The following CADPS2 variants were observed in gnomAD, a reference collection of about 807,000 sequenced individuals.
CADPS2 encodes the protein calcium-dependent secretion activator 2.
A neutral mutation model predicts 172.5 loss-of-function variants in CADPS2; 93 were observed. The observed-to-expected ratio is 0.54, with a 90% CI of 0.46 to 0.64. CADPS2 has a LOEUF of 0.64. CADPS2 is among the 30% of genes least tolerant of loss of function. The pLI is 0.00. For synonymous variants in CADPS2, 546 were observed against 555.2 expected (o/e 0.98, Z 0.23); for missense variants, 1,420 against 1,565.9 (o/e 0.91, Z 1.57).
At chr7:122,645,614 A>T (rs1186669134) in intron 3 of CADPS2, among the ~76,000 whole-genome samples, 20 of 134,190 alleles carry the variant, frequency 1.5e-4, no homozygotes, top group African/African-American at 5.5e-4. Context: ...ATACACACAC[A>T]CTAAGATACA....
At chr7:122,754,854 A>G (rs879510672) in intron 1 of CADPS2, among the ~76,000 whole-genome samples, 18 of 152,234 alleles carry the variant, frequency 1.2e-4, no homozygotes, top group South Asian at 4.1e-4. Flanking sequence ...GAATTAAATG[A>G]AAATGTATAC....
chr7:122,658,090 G>C (rs2080038209), intron 3 of CADPS2, among the ~76,000 whole-genome samples: 1 of 152,174 alleles, frequency 6.6e-6, no homozygotes, highest in Non-Finnish European at 1.5e-5. Context: ...GATATGAACA[G>C]ACACTTCTCA....
intron 3 of CADPS2, among the ~76,000 whole-genome samples, chr7:122,635,127 T>C (rs1055144022): frequency 2.6e-5 from 4 of 152,144 alleles, no homozygotes; most frequent in Non-Finnish European, 5.9e-5. Flanking sequence ...TATTCTGTGA[T>C]TGTTAGATAG....
At chr7:122,810,991 G>A (rs1194134365) in intron 1 of CADPS2, among the ~76,000 whole-genome samples, 1 of 152,140 alleles carries the variant, frequency 6.6e-6, no homozygotes, top group East Asian at 1.9e-4. Context: ...ATATTCTAGT[G>A]CTTGTATAAA....
At chr7:122,702,254 G>C in intron 2 of CADPS2, 1 of 1,613,710 alleles carries the variant, frequency 6.2e-7, no homozygotes, top group African/African-American at 1.3e-5. Context: ...TTTCTGAATC[G>C]AGTGCAAAAT....
intron 24 of CADPS2, among the ~76,000 whole-genome samples, chr7:122,385,757 G>C (rs1321979425): frequency 1.3e-5 from 2 of 152,006 alleles, no homozygotes; most frequent in African/African-American, 4.8e-5. Context: ...TGGGAGGAAA[G>C]ACTGTATCAC....
chr7:122,318,787 C>T lies in CADPS2; in HGVS notation c.*1378G>A, dbSNP rs2031811206. ...AGATTTTTAAGGCTAGTCTAGGTAC[C>T]TAACGACCACTTATTACACCATGGG... On this transcript the variant is annotated 3_prime_UTR_variant, in exon 30 of 30. Coordinates refer to ENST00000449022, the MANE Select transcript of CADPS2 (RefSeq NM_017954.11). 6.6e-6 allele frequency: 1 copy of T among 152,164 alleles called. No homozygotes were observed. Among genetic ancestry groups the T allele is most frequent in the African/African-American group, 2.4e-5 (1 of 41,434 alleles). 9.4% of individuals were successfully genotyped at this position (152,164 alleles called of 1,614,324 possible). A position where few individuals can be genotyped will look rare whatever the true frequency, so the allele number is the denominator to read the frequency against.
intron 1 of CADPS2, chr7:122,850,238 C>T (rs1356416491): frequency 3.9e-6 from 4 of 1,025,502 alleles, no homozygotes; most frequent in Non-Finnish European, 5.3e-6. Context: ...CCAGAGGCCC[C>T]CTGACCCAGC....
chr7:122,571,792 A>G (rs1202312428), intron 7 of CADPS2, among the ~76,000 whole-genome samples: 1 of 152,194 alleles, frequency 6.6e-6, no homozygotes, highest in African/African-American at 2.4e-5. Flanking sequence ...TAGCCAATAC[A>G]TGTAACTGGA....
chr7:122,673,047 G>C (rs1205729685), intron 2 of CADPS2, among the ~76,000 whole-genome samples: 2 of 152,162 alleles, frequency 1.3e-5, no homozygotes, highest in East Asian at 1.9e-4. Flanking sequence ...GCTCTACAAG[G>C]CATCGCCTCT....
chr7:122,705,055 C>T (rs192002295), intron 2 of CADPS2, among the ~76,000 whole-genome samples: 32 of 152,056 alleles, frequency 2.1e-4, no homozygotes, highest in African/African-American at 7.2e-4. Flanking sequence ...TATAAATTCT[C>T]GACACAAAAT....
chr7:122,667,902 G>C (rs1446209339), intron 2 of CADPS2, among the ~76,000 whole-genome samples: 3 of 152,040 alleles, frequency 2.0e-5, no homozygotes, highest in African/African-American at 7.2e-5. Context: ...ATACTAGCAG[G>C]GACATTCACT....
At chr7:122,837,513 A>G (rs1264694344) in intron 1 of CADPS2, among the ~76,000 whole-genome samples, 1 of 152,218 alleles carries the variant, frequency 6.6e-6, no homozygotes, top group Admixed American at 6.5e-5. Context: ...AGAGATCAAC[A>G]AAATTGATAG....
At chr7:122,767,106 T>C (rs1231668979) in intron 1 of CADPS2, among the ~76,000 whole-genome samples, 2 of 152,164 alleles carry the variant, frequency 1.3e-5, no homozygotes, top group Non-Finnish European at 2.9e-5. Flanking sequence ...TGCAATTAAA[T>C]AGATTGTTTT....
chr7:122,629,775 A>C (rs1208490016), intron 3 of CADPS2, among the ~76,000 whole-genome samples: 1 of 152,154 alleles, frequency 6.6e-6, no homozygotes, highest in African/African-American at 2.4e-5. Context: ...TGATTGACTG[A>C]TACAACTTTC....
At chr7:122,423,015 C>T (rs2048716768) in intron 17 of CADPS2, among the ~76,000 whole-genome samples, 1 of 152,092 alleles carries the variant, frequency 6.6e-6, no homozygotes, top group Admixed American at 6.5e-5. Context: ...CTTTAGTCTA[C>T]CTTAGCTAGC....
chr7:122,464,293 T>C (rs866434715), intron 14 of CADPS2, among the ~76,000 whole-genome samples: 6 of 152,196 alleles, frequency 3.9e-5, no homozygotes, highest in African/African-American at 1.4e-4. Context: ...AGCAACAAAG[T>C]AATTTAGATA....
At chr7:122,626,521 A>C (rs2076105688) in intron 4 of CADPS2, among the ~76,000 whole-genome samples, 1 of 151,462 alleles carries the variant, frequency 6.6e-6, no homozygotes, top group Non-Finnish European at 1.5e-5. Flanking sequence ...TTGACTGAAA[A>C]CTGTAACCAC....
At chr7:122,681,800 A>G in intron 2 of CADPS2, 1 of 480,068 alleles carries the variant, frequency 2.1e-6, no homozygotes, top group Non-Finnish European at 3.5e-6. Flanking sequence ...TAAAAATAAA[A>G]CCCTTAGACC....
Sources: allele counts gnomAD v4.1 joint callset (sites outside exome capture counted in the v4.1 genomes callset), GRCh38; gene constraint gnomAD v4.1.1; transcripts MANE v1.5; gene names NCBI Gene and HGNC (gene_info 2026-07-23, HGNC 2026-07-21).